Variants in RALGPS1 observed in about 807,000 individuals in gnomAD.
The protein encoded by RALGPS1 is ras-specific guanine nucleotide-releasing factor RalGPS1.
RALGPS1 carries 19 observed loss-of-function variants against 78.8 expected under a neutral mutation model. The ratio of observed to expected loss-of-function variants is 0.24; its 90% confidence interval spans 0.17 to 0.35. The LOEUF (loss-of-function observed/expected upper bound fraction) is 0.35, where lower values mean the gene tolerates loss of function less well. RALGPS1 is among the 10% of genes least tolerant of loss of function. The pLI, the probability that RALGPS1 is intolerant of heterozygous loss-of-function variation, is 1.00. For synonymous variants in RALGPS1, 228 were observed against 256.3 expected, an observed-to-expected ratio of 0.89 and a Z score of 1.06; for missense variants, 454 against 688.3, an observed-to-expected ratio of 0.66 and a Z score of 3.81.
intron 11 of RALGPS1, chr9:127,178,508 A>G: frequency 1.0e-6 from 1 of 988,050 alleles, no homozygotes; most frequent in Non-Finnish European, 1.2e-6. Context: ...TGTGATTATC[A>G]TAATTGTCAT....
chr9:127,077,215 C>A (rs1268165652), intron 8 of RALGPS1, among the ~76,000 whole-genome samples: 1 of 152,052 alleles, frequency 6.6e-6, no homozygotes, highest in Non-Finnish European at 1.5e-5. Context: ...GGAGGTCAGG[C>A]TGGAGGAGTG....
chr9:127,089,889 G>A lies in RALGPS1; in HGVS notation c.610+20533G>A, dbSNP rs76879739. 7.5e-3 allele frequency among the ~76,000 whole-genome samples: 1,138 copies of A among 152,328 alleles called. 19 individuals are homozygous for A. The highest frequency in any genetic ancestry group is 0.026 in the African/African-American group (1,075 of 41,566). ...GCCAGCATTGCTCTTAGTGAAGGGG[G>A]GTCCCCACTTTCCTGACTGGGCCTG... On this transcript the variant is annotated intron_variant, in intron 8 of 18. Coordinates refer to ENST00000259351, the MANE Select transcript of RALGPS1 (RefSeq NM_014636.3).
At chr9:126,989,760 G>C (rs1173509078) in intron 4 of RALGPS1, 2 of 1,296,550 alleles carry the variant, frequency 1.5e-6, no homozygotes, top group East Asian at 5.2e-5. Flanking sequence ...GAGGCATTCT[G>C]CAGATAAAAT....
chr9:127,141,943 A>C (rs866426625), intron 8 of RALGPS1, among the ~76,000 whole-genome samples: 2 of 152,208 alleles, frequency 1.3e-5, no homozygotes, highest in Non-Finnish European at 1.5e-5. Context: ...GTATGTTTTC[A>C]ATAATCATGT....
At chr9:127,012,705 G>C (rs1411396561) in intron 4 of RALGPS1, among the ~76,000 whole-genome samples, 2 of 152,246 alleles carry the variant, frequency 1.3e-5, no homozygotes, top group Admixed American at 6.5e-5. Context: ...CCAGATGTCT[G>C]AGGTTTCTGA....
intron 14 of RALGPS1, among the ~76,000 whole-genome samples, chr9:127,207,948 G>A (rs908397590): frequency 6.6e-6 from 1 of 152,246 alleles, no homozygotes; most frequent in African/African-American, 2.4e-5. Flanking sequence ...GCCTCCCTTT[G>A]TGAACACTTG....
At chr9:126,998,280 G>A (rs571690349) in intron 4 of RALGPS1, among the ~76,000 whole-genome samples, 28 of 152,220 alleles carry the variant, frequency 1.8e-4, no homozygotes, top group African/African-American at 4.6e-4. Flanking sequence ...ATCTGACAAA[G>A]GGCTAATACC....
intron 17 of RALGPS1, chr9:127,214,116 G>A (rs2062440435): frequency 6.6e-6 from 1 of 152,208 alleles, no homozygotes; most frequent in Non-Finnish European, 1.5e-5. Flanking sequence ...ATTAGCAGTG[G>A]TTTCTTAAGG....
chr9:127,121,176 C>G (rs1408424205), intron 8 of RALGPS1, among the ~76,000 whole-genome samples: 2 of 152,320 alleles, frequency 1.3e-5, no homozygotes, highest in South Asian at 4.1e-4. Flanking sequence ...CAAGTTGAGT[C>G]TGGCATAGAG....
In RALGPS1 at chr9:127,212,668, C is replaced by T; in HGVS notation, c.1395C>T (p.Ser465=). Residue 465 remains serine (S), a synonymous_variant, in exon 16 of 19, where the codon TCC becomes TCT. Coordinates refer to ENST00000259351, the MANE Select transcript of RALGPS1 (RefSeq NM_014636.3). This position sits in a 1 kb window ranked among gnomAD's most constrained non-coding sequence, Gnocchi z 6.0. ...GGTACTGGGTCATACTCTCAGGATC[C>T]ACCCTCCTGTACTACGGAGCCAAGT... is the stretch of plus-strand genomic sequence containing the variant. The part of the protein sequence containing the change: ...WTRYWVILSG[S]TLLYYGAKSL... The T allele has an allele frequency of 6.2e-7, 1 of 1,613,546 alleles. No homozygotes were observed. The highest frequency in any genetic ancestry group is 1.1e-5 in the South Asian group (1 of 91,052).
rs143427036 is a variant in RALGPS1 at position 126,988,318 on chromosome 9, C to T, written c.216+10573C>T. On this transcript the variant is annotated intron_variant, in intron 4 of 18. Transcript: ENST00000259351. Reference sequence around the variant, plus strand: ...CAGGCAGTTTGAGCTGGGCAGGAGACGGCAGTGAGGCTTGGAAGGGAGGCT... The same window carrying T: ...CAGGCAGTTTGAGCTGGGCAGGAGATGGCAGTGAGGCTTGGAAGGGAGGCT... 2.9e-4 allele frequency among the ~76,000 whole-genome samples: 44 copies of T among 152,186 alleles called. No homozygotes were observed. The East Asian group carries it at 8.3e-3, about 29-fold the overall frequency.
At chr9:127,130,795 A>G (rs150337216) in intron 8 of RALGPS1, among the ~76,000 whole-genome samples, 18 of 152,290 alleles carry the variant, frequency 1.2e-4, no homozygotes, top group East Asian at 7.7e-4. Flanking sequence ...GGGTCACACA[A>G]TGGGCCAGTG....
chr9:126,996,786 A>G (rs1331039846), intron 4 of RALGPS1, among the ~76,000 whole-genome samples: 1 of 152,228 alleles, frequency 6.6e-6, no homozygotes, highest in Non-Finnish European at 1.5e-5. Flanking sequence ...ATCCTCAATA[A>G]AATACTGGCA....
At chr9:127,057,073 C>G (rs1044379965) in intron 7 of RALGPS1, among the ~76,000 whole-genome samples, 4 of 152,144 alleles carry the variant, frequency 2.6e-5, no homozygotes, top group Non-Finnish European at 5.9e-5. Flanking sequence ...GTTCAAGATC[C>G]AGAGCTGGTG....
chr9:126,934,773 G>A (rs2036111119), intron 1 of RALGPS1, among the ~76,000 whole-genome samples: 1 of 152,056 alleles, frequency 6.6e-6, no homozygotes, highest in South Asian at 2.1e-4. Flanking sequence ...CAACAGCTGG[G>A]CTTACTTGGG....
chr9:126,923,556 T>G (rs1466358007), intron 1 of RALGPS1, among the ~76,000 whole-genome samples: 2 of 152,236 alleles, frequency 1.3e-5, no homozygotes, highest in Non-Finnish European at 2.9e-5. Flanking sequence ...GTTTAAGGTC[T>G]TGTTTCATGC....
At chr9:127,138,513 G>A (rs1162419478) in intron 8 of RALGPS1, among the ~76,000 whole-genome samples, 1 of 152,094 alleles carries the variant, frequency 6.6e-6, no homozygotes, top group African/African-American at 2.4e-5. Flanking sequence ...GAACCATCCT[G>A]GGCACACACT....
chr9:127,204,385 G>T (rs960108135), intron 14 of RALGPS1, among the ~76,000 whole-genome samples: 13 of 152,170 alleles, frequency 8.5e-5, no homozygotes, highest in Admixed American at 6.5e-4. Context: ...CTTCCAAAGT[G>T]CTGGGATGAC....
chr9:127,032,544 T>G (rs1407955095), intron 4 of RALGPS1, among the ~76,000 whole-genome samples: 1 of 152,266 alleles, frequency 6.6e-6, no homozygotes, highest in African/African-American at 2.4e-5. Flanking sequence ...TTTCCAGGAC[T>G]GGCTTTGTGA....
Sources: gnomAD v4.1 joint callset for allele counts (sites outside exome capture counted in the v4.1 genomes callset) on GRCh38, gnomAD v4.1.1 for gene constraint, Gnocchi (gnomAD v3.1) non-coding constraint, MANE v1.5 for transcripts, NCBI Gene and HGNC (gene_info 2026-07-23, HGNC 2026-07-21) for gene names.